HDAC5: variants seen among roughly 807,000 people sequenced by gnomAD.
HDAC5 encodes histone deacetylase 5.
Under a neutral mutation model 133.3 loss-of-function variants are expected in HDAC5, and 25 were observed. That is an observed-to-expected ratio of 0.19 (90% CI 0.14 to 0.26). The LOEUF is 0.26. Ranked by LOEUF, HDAC5 falls within the 10% of genes least tolerant of loss-of-function variation. HDAC5 has a pLI of 1.00. For synonymous variants in HDAC5, 589 were observed against 610.8 expected, an observed-to-expected ratio of 0.96 and a Z score of 0.53; for missense variants, 1,041 against 1,460.5, an observed-to-expected ratio of 0.71 and a Z score of 4.68.
rs138505002 is a variant in HDAC5 at position 44,094,141 on chromosome 17, G to A, written c.95-307C>T. Among the ~76,000 whole-genome samples the A allele has an allele frequency of 1.6e-4, 25 of 152,198 alleles. No individual in the cohort carries two copies. The East Asian group carries it at 4.4e-3, about 27-fold the overall frequency. On this transcript the variant is annotated intron_variant, in intron 3 of 26. Transcript: ENST00000682912. ...AGTTTGAGACCAGCCTGGTCAACAT[G>A]ATGAAACCCCCTCACTACTAAAAAT...
chr17:44,112,753 T>C (rs1191686215), intron 2 of HDAC5, among the ~76,000 whole-genome samples: 1 of 152,186 alleles, frequency 6.6e-6, no homozygotes, highest in African/African-American at 2.4e-5. Flanking sequence ...AGGCAGGCTT[T>C]CCCAGGCCCT....
intron 3 of HDAC5, among the ~76,000 whole-genome samples, chr17:44,097,414 G>A (rs1385007689): frequency 6.6e-6 from 1 of 152,206 alleles, no homozygotes; most frequent in Non-Finnish European, 1.5e-5. Flanking sequence ...GTGGCCAGAG[G>A]GTGGGGTTAC....
chr17:44,103,311 A>G (rs1235675237), intron 3 of HDAC5, among the ~76,000 whole-genome samples: 1 of 152,204 alleles, frequency 6.6e-6, no homozygotes, highest in African/African-American at 2.4e-5. Context: ...CACAATTCAG[A>G]TACTATTTCC....
intron 6 of HDAC5, 69 bp from the exon 7 acceptor site, chr17:44,092,875 TG>T: frequency 1.5e-6 from 1 of 677,194 alleles, no homozygotes; most frequent in Non-Finnish European, 2.5e-6. Flanking sequence ...ACCTGCCACC[TG>T]GCAATCTACA....
intron 13 of HDAC5, 25 bp downstream of exon 13, chr17:44,087,387 G>C: frequency 1.3e-6 from 1 of 784,598 alleles, no homozygotes; most frequent in Non-Finnish European, 2.3e-6. Context: ...GGTGACCAAG[G>C]ACTGGGACCA....
At chr17:44,107,662 A>C (rs2052052101) in intron 3 of HDAC5, among the ~76,000 whole-genome samples, 1 of 149,142 alleles carries the variant, frequency 6.7e-6, no homozygotes, top group Admixed American at 6.7e-5. Context: ...CTTGTCACTC[A>C]GTGCATTATA....
rs1312363942 is a variant in HDAC5, at chr17:44,110,778, T to C, written c.45A>G (p.Pro15=). ...NESDGMSGRE[P]SLEILPRTSL... ...AAGTCCGCGGCAGGATTTCCAAGGA[T>C]GGTTCCCGACCTGACATCCCATCTG... is the stretch of plus-strand genomic sequence containing the variant. Residue 15 remains proline (P), a synonymous_variant, in exon 3 of 27, where the codon CCA becomes CCG. Transcript: ENST00000682912. 4 of 1,613,786 alleles carry C rather than the reference T, an allele frequency of 2.5e-6. No individual in the cohort carries two copies. The highest frequency in any genetic ancestry group is 3.4e-6 in the Non-Finnish European group (4 of 1,179,914).
Position 44,078,837 on chromosome 17 carries a change from T to C in HDAC5, c.3121A>G (p.Ile1041Val). 1.2e-6 allele frequency: 2 copies of C among 1,614,134 alleles called. No homozygotes were observed. The highest frequency in any genetic ancestry group is 1.7e-6 in the Non-Finnish European group (2 of 1,180,012). The part of the protein sequence containing the change: ...DEAVLQQKPN[I>V]NAVATLEKVI... Reference sequence around the variant, plus strand: ...TTCTCTAGCGTGGCCACTGCGTTGATGTTGGGCTTTTGCTGCAAGACTGCC... The same window carrying C: ...TTCTCTAGCGTGGCCACTGCGTTGACGTTGGGCTTTTGCTGCAAGACTGCC... The change falls in exon 25 of 27, where the codon ATC (isoleucine) becomes GTC (valine). Residue 1041 changes from isoleucine (I) to valine (V), a missense_variant. Around this residue, in one of 9 missense-constraint regions of HDAC5, gnomAD observed 174 missense variants for 352.7 expected, o/e 0.49. Coordinates refer to ENST00000682912, the MANE Select transcript of HDAC5 (RefSeq NM_005474.5).
chr17:44,083,389 A>G (rs1251602731), intron 18 of HDAC5, among the ~76,000 whole-genome samples, 156 bp downstream of exon 18: 1 of 152,174 alleles, frequency 6.6e-6, no homozygotes, highest in Non-Finnish European at 1.5e-5. Flanking sequence ...TCATAACCTG[A>G]ATTCCCAGCT....
intron 20 of HDAC5, chr17:44,081,943 G>A (rs1299256109): frequency 6.6e-6 from 1 of 152,180 alleles, no homozygotes; most frequent in East Asian, 1.9e-4. Context: ...GCCAGAATTG[G>A]GCTTCCAAGA....
intron 3 of HDAC5, among the ~76,000 whole-genome samples, chr17:44,099,616 A>G (rs892097438): frequency 4.6e-5 from 7 of 151,948 alleles, no homozygotes; most frequent in African/African-American, 7.2e-5. Flanking sequence ...CTGGGACTAC[A>G]GGCACCCGCC....
chr17:44,087,450 C>A lies in HDAC5; in HGVS notation c.1846G>T (p.Gly616Trp). 7.3e-7 allele frequency: 1 copy of A among 1,371,896 alleles called. No homozygotes were observed. The highest frequency in any genetic ancestry group is 1.4e-5 in the African/African-American group (1 of 70,202). 85.0% of individuals were successfully genotyped at this position (1,371,896 alleles called of 1,614,324 possible). Residue 616 changes from glycine to tryptophan, a missense_variant, in exon 13 of 27, where the codon GGG (glycine) becomes TGG (tryptophan). Coordinates refer to ENST00000682912, the MANE Select transcript of HDAC5 (RefSeq NM_005474.5). ...GCACCAGGCTCCTCCAAGTCGGGCC[C>A]CTCCTCAGCACCACTCTCGCCCTCC... ...DEEGESGAEE[G>W]PDLEEPGAGY...
chr17:44,092,429 T>C lies in HDAC5; in HGVS notation c.871A>G (p.Ser291Gly). Residue 291 changes from serine (S) to glycine (G), a missense_variant, in exon 8 of 27, where the codon AGC (serine) becomes GGC (glycine). Physicochemically the swap from Ser to Gly is moderately conservative, Grantham distance 56. Transcript: ENST00000682912. ...TCAACAGCTCTCTTCTTAAAGGTGC[T>C]AATAACAGTCCCATCCTTGCGACGC... ...LLRRKDGTVI[S>G]TFKKRAVEIT... is the part of the protein sequence containing the mutation. 6.2e-7 allele frequency: 1 copy of C among 1,614,012 alleles called. No individual in the cohort carries two copies. The highest frequency in any genetic ancestry group is 8.5e-7 in the Non-Finnish European group (1 of 1,179,954).
chr17:44,080,009 C>T, intron 23 of HDAC5, 98 bp downstream of exon 23: 2 of 894,030 alleles, frequency 2.2e-6, no homozygotes, highest in Non-Finnish European at 3.7e-6. Flanking sequence ...CCTGCTTTCC[C>T]CGTCTGCTGC....
At chr17:44,087,064 G>A (rs536794153) in intron 13 of HDAC5, among the ~76,000 whole-genome samples, 4 of 151,874 alleles carry the variant, frequency 2.6e-5, no homozygotes, top group South Asian at 4.2e-4. Flanking sequence ...CCAGCTAGGC[G>A]CGAGGCAGAC....
At position 44,093,504 on chromosome 17, in the gene HDAC5, G is replaced by A. The variant is rs752115490; in HGVS notation, c.355-19C>T. ...GCTGCTGCTGCAGGGGCATGGGAAC[G>A]GAGGCACAAGTGAGCCAGGCCCGGG... On this transcript the variant is annotated intron_variant, in intron 4 of 26. Transcript: ENST00000682912. 8.7e-6 allele frequency: 14 copies of A among 1,601,982 alleles called. No homozygotes were observed. In the East Asian group the frequency reaches 1.1e-4, roughly 13 times the overall value.
intron 13 of HDAC5, 26 bp downstream of exon 13, chr17:44,087,386 G>T: frequency 1.3e-6 from 1 of 781,260 alleles, no homozygotes; most frequent in Non-Finnish European, 2.3e-6. Flanking sequence ...TGGTGACCAA[G>T]GACTGGGACC....
Position 44,080,398 on chromosome 17 carries a change from T to C in HDAC5, c.2825+3A>G, listed in dbSNP as rs760494828. On this transcript the variant is annotated splice_donor_region_variant and intron_variant, in intron 22 of 26. Transcript: ENST00000682912. ...GACTACCATGGCCCTTTTCAGTCCC[T>C]ACCTGAAGGCTGTAAGGTACTCCAC... 13 of 1,613,294 alleles carry C rather than the reference T, an allele frequency of 8.1e-6. No homozygotes were observed. The highest frequency in any genetic ancestry group is 2.7e-5 in the African/African-American group (2 of 74,884).
At chr17:44,084,901 A>C (rs1356620247) in intron 15 of HDAC5, 121 bp downstream of exon 15, 2 of 1,358,944 alleles carry the variant, frequency 1.5e-6, no homozygotes, top group African/African-American at 2.9e-5. Flanking sequence ...TGGTGGGAGA[A>C]CTGGCCCCGA....
Sources: gnomAD v4.1 joint callset for allele counts (sites outside exome capture counted in the v4.1 genomes callset) on GRCh38, gnomAD v4.1.1 for gene constraint, gnomAD v4.1.1 regional missense constraint, MANE v1.5 for transcripts, NCBI Gene and HGNC (gene_info 2026-07-23, HGNC 2026-07-21) for gene names.